Variants in STMN3 observed in about 807,000 individuals in gnomAD.
STMN3 encodes stathmin-3.
STMN3 carries 24 observed loss-of-function variants against 23.2 expected under a neutral mutation model. That is an observed-to-expected ratio of 1.03 (90% CI 0.75 to 1.45). The LOEUF is 1.45. STMN3 is among the 40% of genes most tolerant of loss of function. The pLI is 0.00. For missense variants in STMN3, 235 were observed against 237.6 expected (o/e 0.99, Z 0.07); for synonymous variants, 117 against 103.4 (o/e 1.13, Z -0.80).
At chr20:63,649,423 C>G (rs1274177691) in intron 1 of STMN3, among the ~76,000 whole-genome samples, 2 of 152,134 alleles carry the variant, frequency 1.3e-5, no homozygotes, top group Non-Finnish European at 2.9e-5. Flanking sequence ...CCTCTTATTA[C>G]AGAGAGAGGA....
chr20:63,646,544 G>A (rs566455038), intron 1 of STMN3, among the ~76,000 whole-genome samples: 67 of 151,492 alleles, frequency 4.4e-4, no homozygotes, highest in African/African-American at 1.6e-3. Flanking sequence ...TAGTAGAGAC[G>A]GGGTTTCACT....
intron 2 of STMN3, 88 bp downstream of exon 2, chr20:63,644,126 G>T: frequency 1.4e-6 from 2 of 1,389,362 alleles, no homozygotes; most frequent in East Asian, 2.4e-5. Context: ...CAGCCAGGAC[G>T]GGAGTTCAGA....
chr20:63,648,918 G>A (rs1255125105), intron 1 of STMN3, among the ~76,000 whole-genome samples: 1 of 152,044 alleles, frequency 6.6e-6, no homozygotes, highest in African/African-American at 2.4e-5. Context: ...GCAAGCAGAC[G>A]GCTGGCAGCA....
chr20:63,648,038 T>C (rs1273184556), intron 1 of STMN3, among the ~76,000 whole-genome samples: 1 of 142,164 alleles, frequency 7.0e-6, no homozygotes, highest in East Asian at 2.0e-4. Context: ...TTGTCCAGGC[T>C]GATCTTGAAC....
chr20:63,653,176 C>T (rs936697847), intron 1 of STMN3, 151 bp downstream of exon 1: 158 of 1,023,378 alleles, frequency 1.5e-4, no homozygotes, highest in Admixed American at 5.0e-4. Flanking sequence ...GCCGCAGACC[C>T]CAGCCTCGGG....
Position 63,640,919 on chromosome 20 carries a change from G to A in STMN3, c.*419C>T, listed in dbSNP as rs2089755484. 11 of 271,972 alleles carry A rather than the reference G, an allele frequency of 4.0e-5. No homozygotes were observed. The highest frequency in any genetic ancestry group is 1.4e-3 in the Middle Eastern group (1 of 726). 16.8% of individuals were successfully genotyped at this position (271,972 alleles called of 1,614,324 possible). On this transcript the variant is annotated 3_prime_UTR_variant, in exon 5 of 5. Transcript: ENST00000370053. ...ATGGGGAGCCCCTTCCCCCTGGAAA[G>A]ACAGCAGGTACTGTAGCCTCGCCTG...
chr20:63,653,315 C>T lies in STMN3; in HGVS notation c.19+12G>A. ...CCCGCCGCCCCACAAAGCCCGTGGC[C>T]CCGGAGCCTACCGGAAATGGTGCTG... is the stretch of plus-strand genomic sequence containing the variant. On this transcript the variant is annotated intron_variant, in intron 1 of 4. Coordinates refer to ENST00000370053, the MANE Select transcript of STMN3 (RefSeq NM_015894.4). The T allele has an allele frequency of 6.5e-7, 1 of 1,546,782 alleles. No homozygotes were observed. Among genetic ancestry groups the T allele is most frequent in the Non-Finnish European group, 8.7e-7 (1 of 1,145,656 alleles).
Position 63,647,987 on chromosome 20 carries a change from T to C in STMN3, c.20-3678A>G, listed in dbSNP as rs773555788. Among the ~76,000 whole-genome samples, 643 of 98,536 alleles carry C rather than the reference T, an allele frequency of 6.5e-3. 49 individuals are homozygous for C. Among genetic ancestry groups the C allele is most frequent in the Non-Finnish European group, 9.7e-3 (489 of 50,420 alleles). 64.6% of individuals were successfully genotyped at this position (98,536 alleles called of 152,430 possible). On this transcript the variant is annotated intron_variant, in intron 1 of 4. Transcript: ENST00000370053. The stretch of plus-strand genomic sequence containing the variant: ...ATATATATATATATATATACATATA[T>C]ATATACAGAGAGAGAGAGAGTAGTG...
intron 2 of STMN3, 102 bp from the exon 3 acceptor site, chr20:63,644,033 G>T: frequency 6.7e-7 from 1 of 1,498,674 alleles, no homozygotes; most frequent in Non-Finnish European, 9.0e-7. Context: ...GGCTGGGCGA[G>T]AGGGGGTGGC....
At position 63,641,311 on chromosome 20, in the gene STMN3, A is replaced by T. The variant is rs1158967345; in HGVS notation, c.*27T>A. On this transcript the variant is annotated 3_prime_UTR_variant, in exon 5 of 5. Coordinates refer to ENST00000370053, the MANE Select transcript of STMN3 (RefSeq NM_015894.4). ...CCAAAACCCGAACGTGTTCTGTCGC[A>T]GGATGGGCGCCGCCCGTCCCGGGCC... 6 of 1,556,298 alleles carry T rather than the reference A, an allele frequency of 3.9e-6. No homozygotes were observed. The highest frequency in any genetic ancestry group is 5.2e-6 in the Non-Finnish European group (6 of 1,150,464).
Position 63,650,500 on chromosome 20 carries a change from C to T in STMN3, c.19+2827G>A, listed in dbSNP as rs994247481. On this transcript the variant is annotated intron_variant, in intron 1 of 4. Coordinates refer to ENST00000370053, the MANE Select transcript of STMN3 (RefSeq NM_015894.4). ...GGTCACACCTCACGCCCACCCCTCCCGCCGTCCAGGTGGATGGTGCCCACT... is the reference window on the plus strand; with the variant it reads ...GGTCACACCTCACGCCCACCCCTCCTGCCGTCCAGGTGGATGGTGCCCACT... 5.6e-4 allele frequency among the ~76,000 whole-genome samples: 69 copies of T among 122,766 alleles called. No homozygotes were observed. In the East Asian group the frequency reaches 0.016, roughly 28 times the overall value. 80.5% of individuals were successfully genotyped at this position (122,766 alleles called of 152,430 possible).
At chr20:63,642,498 G>C (rs2089777105) in intron 3 of STMN3, among the ~76,000 whole-genome samples, 199 bp from the exon 4 acceptor site, 1 of 151,700 alleles carries the variant, frequency 6.6e-6, no homozygotes, top group African/African-American at 2.4e-5. Flanking sequence ...TCGGGGCAGG[G>C]CCAGGGGGTC....
chr20:63,645,657 G>A (rs935820604), intron 1 of STMN3, among the ~76,000 whole-genome samples: 2 of 152,164 alleles, frequency 1.3e-5, no homozygotes, highest in African/African-American at 2.4e-5. Flanking sequence ...ACTAGTGCTC[G>A]ATAATCCTTT....
At chr20:63,644,012 T>C in intron 2 of STMN3, 81 bp from the exon 3 acceptor site, 1 of 1,551,102 alleles carries the variant, frequency 6.4e-7, no homozygotes, top group Non-Finnish European at 8.7e-7. Flanking sequence ...CCAGCACACA[T>C]CCAACCCCAG....
intron 1 of STMN3, among the ~76,000 whole-genome samples, 170 bp from the exon 2 acceptor site, chr20:63,644,479 C>T (rs559278993): frequency 6.8e-4 from 103 of 152,274 alleles, no homozygotes; most frequent in African/African-American, 1.3e-3. Flanking sequence ...CCAGCTCTCT[C>T]GCTTCCAGAC....
Position 63,647,872 on chromosome 20 carries a change from G to A in STMN3, c.20-3563C>T, listed in dbSNP as rs977494713. Among the ~76,000 whole-genome samples the A allele has an allele frequency of 6.7e-4, 76 of 113,272 alleles. 3 individuals are homozygous for A. The highest frequency in any genetic ancestry group is 1.2e-3 in the Non-Finnish European group (63 of 52,798). 74.3% of individuals were successfully genotyped at this position (113,272 alleles called of 152,430 possible). On this transcript the variant is annotated intron_variant, in intron 1 of 4. Coordinates refer to ENST00000370053, the MANE Select transcript of STMN3 (RefSeq NM_015894.4). Reference sequence around the variant, plus strand: ...TTAATATATATACGTATATATACACGTGTATATATTAATATATATACGTAT... The same window carrying A: ...TTAATATATATACGTATATATACACATGTATATATTAATATATATACGTAT...
intron 1 of STMN3, 132 bp downstream of exon 1, chr20:63,653,195 G>A (rs1467885547): frequency 4.9e-6 from 6 of 1,220,138 alleles, no homozygotes; most frequent in Non-Finnish European, 6.8e-6. Flanking sequence ...GGCGGGTCGG[G>A]CCCAGGCTTG....
chr20:63,647,955 T>C, intron 1 of STMN3, among the ~76,000 whole-genome samples: 1 of 59,262 alleles, frequency 1.7e-5, no homozygotes, highest in East Asian at 2.2e-4. Flanking sequence ...TGTGTATATA[T>C]ATATGTATAT....
At chr20:63,649,015 C>T (rs1169800873) in intron 1 of STMN3, among the ~76,000 whole-genome samples, 2 of 152,130 alleles carry the variant, frequency 1.3e-5, no homozygotes, top group African/African-American at 4.8e-5. Context: ...GGTCTTGGCT[C>T]TGCCCAGGAG....
Sources: gnomAD v4.1 joint callset for allele counts (sites outside exome capture counted in the v4.1 genomes callset) on GRCh38, gnomAD v4.1.1 for gene constraint, MANE v1.5 for transcripts, NCBI Gene and HGNC (gene_info 2026-07-23, HGNC 2026-07-21) for gene names.